SRGAP3: variants seen among roughly 807,000 people sequenced by gnomAD.
SRGAP3 encodes the protein SLIT-ROBO Rho GTPase activating protein 3, also known as SLIT-ROBO Rho GTPase-activating protein 3.
Under a neutral mutation model 121.1 loss-of-function variants are expected in SRGAP3, and 39 were observed. The ratio of observed to expected loss-of-function variants is 0.32; its 90% confidence interval spans 0.25 to 0.42. SRGAP3 has a LOEUF of 0.42. Ranked by LOEUF, SRGAP3 falls within the 10% of genes least tolerant of loss-of-function variation. The probability of loss-of-function intolerance (pLI) is 1.00; values close to 1 mark genes in which losing one functional copy is unlikely to be tolerated. For synonymous variants in SRGAP3, 601 were observed against 570.0 expected (o/e 1.05, Z -0.77); for missense variants, 1,213 against 1,470.6 (o/e 0.82, Z 2.86).
At chr3:9,074,728 A>G (rs1434238826) in intron 4 of SRGAP3, among the ~76,000 whole-genome samples, 1 of 152,218 alleles carries the variant, frequency 6.6e-6, no homozygotes, top group African/African-American at 2.4e-5. Flanking sequence ...CACCTTTGCC[A>G]AGATTTGCCT....
chr3:9,119,857 A>G (rs1948939380), intron 2 of SRGAP3, among the ~76,000 whole-genome samples: 1 of 152,236 alleles, frequency 6.6e-6, no homozygotes. Context: ...GCATGCGAGT[A>G]AAGCTCTCTG....
intron 4 of SRGAP3, among the ~76,000 whole-genome samples, chr3:9,070,750 A>T (rs1575022566): frequency 6.6e-6 from 1 of 152,284 alleles, no homozygotes; most frequent in Non-Finnish European, 1.5e-5. Flanking sequence ...AAGTAGGGAG[A>T]TTGCTGTACC....
intron 14 of SRGAP3, chr3:9,016,021 T>A: frequency 2.2e-6 from 1 of 446,980 alleles, no homozygotes; most frequent in Non-Finnish European, 4.1e-6. Context: ...TCTGTATTTA[T>A]ATTTATTGTT....
chr3:9,108,711 C>A (rs1157882083), intron 2 of SRGAP3, among the ~76,000 whole-genome samples: 1 of 152,060 alleles, frequency 6.6e-6, no homozygotes, highest in African/African-American at 2.4e-5. Context: ...TTGGCATGAT[C>A]ATGGAAGGCA....
In SRGAP3 at chr3:8,985,345, G is replaced by A; in HGVS notation, c.*174C>T. 2 of 1,364,570 alleles carry A rather than the reference G, an allele frequency of 1.5e-6. No individual in the cohort carries two copies. 84.5% of individuals were successfully genotyped at this position (1,364,570 alleles called of 1,614,324 possible). ...GCGAGAGGTCCGTGGGATTCCCATG[G>A]CTGGACGTGAGCTGCAGCCAGCGCC... On this transcript the variant is annotated 3_prime_UTR_variant, in exon 22 of 22. Coordinates refer to ENST00000383836, the MANE Select transcript of SRGAP3 (RefSeq NM_014850.4). The surrounding 1 kb of genome is among the most constrained non-coding windows in gnomAD (Gnocchi z 5.1).
At chr3:9,101,137 T>G (rs888163754) in intron 3 of SRGAP3, among the ~76,000 whole-genome samples, 1 of 152,214 alleles carries the variant, frequency 6.6e-6, no homozygotes, top group Non-Finnish European at 1.5e-5. Context: ...TGTTCCCACA[T>G]GGAATGAGCT....
At chr3:9,242,195 C>A (rs550042124) in intron 1 of SRGAP3, among the ~76,000 whole-genome samples, 3 of 152,044 alleles carry the variant, frequency 2.0e-5, no homozygotes, top group African/African-American at 7.2e-5. Flanking sequence ...TGTCTACAAG[C>A]CAGGAAGCAG....
At chr3:9,276,428 G>GTT (rs61126627) in intron 3 of SRGAP3, among the ~76,000 whole-genome samples, 23 of 134,732 alleles carry the variant, frequency 1.7e-4, no homozygotes, top group East Asian at 6.3e-4. Flanking sequence ...TTGACTGTTT[G>GTT]TTTTTTTTTT....
intron 2 of SRGAP3, among the ~76,000 whole-genome samples, chr3:9,327,870 AT>A (rs145897392): frequency 0.03 from 4,535 of 152,292 alleles, 218 homozygotes; most frequent in African/African-American, 0.1. Context: ...ACAACCAGTC[AT>A]TTTACTTCGG....
intron 12 of SRGAP3, chr3:9,028,125 C>T: frequency 6.2e-7 from 1 of 1,614,168 alleles, no homozygotes; most frequent in Non-Finnish European, 8.5e-7. Flanking sequence ...AGCATTTCTT[C>T]TTCCTCTGAT....
chr3:9,123,764 A>G (rs867244994), intron 2 of SRGAP3, among the ~76,000 whole-genome samples: 3,068 of 113,980 alleles, frequency 0.027, 49 homozygotes, highest in African/African-American at 0.072. Flanking sequence ...GTATGTGTGT[A>G]TATATGTATG....
intron 5 of SRGAP3, among the ~76,000 whole-genome samples, chr3:9,063,440 T>C (rs1946274128): frequency 6.6e-6 from 1 of 152,062 alleles, no homozygotes; most frequent in South Asian, 2.1e-4. Context: ...AGACAATCTT[T>C]TCATGTACTT....
At position 9,026,370 on chromosome 3, in the gene SRGAP3, G is replaced by A. The variant is rs543864447; in HGVS notation, c.1600+565C>T. Among the ~76,000 whole-genome samples, 632 of 152,238 alleles carry A rather than the reference G, an allele frequency of 4.2e-3. 5 individuals carry two copies. The highest frequency in any genetic ancestry group is 0.014 in the African/African-American group (592 of 41,528). On this transcript the variant is annotated intron_variant, in intron 13 of 21. Transcript: ENST00000383836. ...GCTATGCAGGGCAGGCATTGCACCT[G>A]TCTTGTTCATGCCTGTATTCCCACT... is the stretch of plus-strand genomic sequence containing the variant.
chr3:9,015,401 CA>C (rs2125038940), intron 15 of SRGAP3, among the ~76,000 whole-genome samples, 195 bp downstream of exon 15: 1 of 152,334 alleles, frequency 6.6e-6, no homozygotes, highest in South Asian at 2.1e-4. Flanking sequence ...CTTCTCTACC[CA>C]GGGGGTGTGA....
intron 1 of SRGAP3, among the ~76,000 whole-genome samples, chr3:9,354,196 A>G (rs1168119874): frequency 6.6e-6 from 1 of 152,216 alleles, no homozygotes; most frequent in African/African-American, 2.4e-5. Context: ...TCCGCAGATA[A>G]TAGCAAAAAT....
chr3:9,210,839 A>G (rs1008446405), intron 1 of SRGAP3, among the ~76,000 whole-genome samples: 1 of 152,212 alleles, frequency 6.6e-6, no homozygotes, highest in Admixed American at 6.5e-5. Context: ...CAAAAAAATA[A>G]TAATAAATAA....
At chr3:9,083,215 C>T (rs1434844195) in intron 3 of SRGAP3, among the ~76,000 whole-genome samples, 1 of 152,162 alleles carries the variant, frequency 6.6e-6, no homozygotes, top group Non-Finnish European at 1.5e-5. Flanking sequence ...CCTCTTGGTC[C>T]TCAAACTCCC....
exon 1 of SRGAP3, chr3:9,363,022 T>G (rs1212668641): frequency 6.6e-6 from 1 of 152,340 alleles, no homozygotes; most frequent in Non-Finnish European, 1.5e-5. Context: ...GGAGCCACCG[T>G]GACTCGTAGC....
intron 1 of SRGAP3, among the ~76,000 whole-genome samples, chr3:9,358,631 G>A (rs2030642940): frequency 6.6e-6 from 1 of 152,178 alleles, no homozygotes. Context: ...TAAGGGTTCA[G>A]TCTCCAAGAC....
Sources: allele counts gnomAD v4.1 joint callset (sites outside exome capture counted in the v4.1 genomes callset), GRCh38; gene constraint gnomAD v4.1.1; non-coding constraint Gnocchi (gnomAD v3.1); transcripts MANE v1.5; gene names NCBI Gene and HGNC (gene_info 2026-07-23, HGNC 2026-07-21).